ATG13: variants seen among roughly 807,000 people sequenced by gnomAD.
ATG13 encodes the protein autophagy-related protein 13.
Under a neutral mutation model 65.5 loss-of-function variants are expected in ATG13, and 23 were observed. The observed-to-expected ratio is 0.35, with a 90% CI of 0.25 to 0.50. The LOEUF is 0.50. Among genes scored for constraint, ATG13 ranks in the 20% least tolerant of loss-of-function variants. The probability of loss-of-function intolerance (pLI) is 0.98; values close to 1 mark genes in which losing one functional copy is unlikely to be tolerated. For synonymous variants in ATG13, 252 were observed against 245.2 expected, an observed-to-expected ratio of 1.03 and a Z score of -0.26; for missense variants, 566 against 677.0, an observed-to-expected ratio of 0.84 and a Z score of 1.82.
chr11:46,632,756 G>T (rs2052253430), intron 2 of ATG13, among the ~76,000 whole-genome samples: 2 of 151,926 alleles, frequency 1.3e-5, no homozygotes, highest in African/African-American at 4.8e-5. Context: ...TTTATAGTGT[G>T]GGGTGATACC....
At position 46,668,532 on chromosome 11, in the gene ATG13, A is replaced by T. The variant is rs757516956; in HGVS notation, c.1285A>T (p.Met429Leu). The T allele has an allele frequency of 1.4e-5, 23 of 1,614,036 alleles. No homozygotes were observed. Among genetic ancestry groups the T allele is most frequent in the East Asian group, 1.3e-4 (6 of 44,892 alleles). The part of the protein sequence containing the change: ...TLTSLDIPFA[M>L]FAPKNLELED... ...GACGAGTTTGGATATACCCTTTGCCATGTTTGCTCCCAAGAATTTGGAGCT... is the reference window on the plus strand; with the variant it reads ...GACGAGTTTGGATATACCCTTTGCCTTGTTTGCTCCCAAGAATTTGGAGCT... Residue 429 changes from methionine to leucine, a missense_variant, in exon 16 of 19, where the codon ATG becomes TTG. Coordinates refer to ENST00000683050, the MANE Select transcript of ATG13 (RefSeq NM_001346311.2).
chr11:46,632,422 A>G (rs2052116768), intron 2 of ATG13: 1 of 152,234 alleles, frequency 6.6e-6, no homozygotes, highest in African/African-American at 2.4e-5. Context: ...AACTTGCAGA[A>G]AAGTTGCAAA....
At chr11:46,633,300 C>T (rs948041195) in intron 2 of ATG13, among the ~76,000 whole-genome samples, 2 of 151,140 alleles carry the variant, frequency 1.3e-5, no homozygotes, top group African/African-American at 4.9e-5. Flanking sequence ...GGATTACAAG[C>T]GTGAGCCACT....
chr11:46,636,791 T>C (rs147884528), intron 2 of ATG13, among the ~76,000 whole-genome samples: 1 of 151,980 alleles, frequency 6.6e-6, no homozygotes, highest in African/African-American at 2.4e-5. Context: ...TTTTTTTTCT[T>C]TTGAGGTGGA....
chr11:46,629,263 C>T (rs528920429), intron 1 of ATG13, among the ~76,000 whole-genome samples: 2 of 152,134 alleles, frequency 1.3e-5, no homozygotes, highest in South Asian at 2.1e-4. Context: ...TGTTTTCTGT[C>T]ACAAGAGATT....
At chr11:46,628,424 G>A (rs143081855) in intron 1 of ATG13, among the ~76,000 whole-genome samples, 145 of 151,626 alleles carry the variant, frequency 9.6e-4, no homozygotes, top group African/African-American at 3.2e-3. Flanking sequence ...AAAACCCCGC[G>A]TTTTAAGCAT....
At chr11:46,665,269 G>A in intron 13 of ATG13, 114 bp from the exon 14 acceptor site, 2 of 1,307,490 alleles carry the variant, frequency 1.5e-6, no homozygotes, top group Middle Eastern at 3.9e-4. Context: ...TGCCTACTTG[G>A]TGGCAGCGTT....
intron 13 of ATG13, 145 bp from the exon 14 acceptor site, chr11:46,665,237 AG>A: frequency 9.8e-7 from 1 of 1,020,786 alleles, no homozygotes; most frequent in South Asian, 1.6e-5. Flanking sequence ...AGTTTCAGAG[AG>A]GATAAAGATC....
At position 46,645,922 on chromosome 11, in the gene ATG13, C is replaced by T. The variant is rs1438193821; in HGVS notation, c.203C>T (p.Ala68Val). 5 of 1,614,092 alleles carry T rather than the reference C, an allele frequency of 3.1e-6. No individual in the cohort carries two copies. Among genetic ancestry groups the T allele is most frequent in the Non-Finnish European group, 4.2e-6 (5 of 1,180,044 alleles). Residue 68 changes from alanine (A) to valine (V), a missense_variant, in exon 5 of 19, where the codon GCA becomes GTA. By Grantham distance (64) the Ala-to-Val change is moderately conservative (BLOSUM62 0). This residue lies in a region of ATG13 where 179 missense variants were observed against 267.2 expected (regional missense o/e 0.67). Coordinates refer to ENST00000683050, the MANE Select transcript of ATG13 (RefSeq NM_001346311.2). ...GAGGTTACACATGAAGCAAAGAAGG[C>T]ACTGGCAGGACAGCTGCCTGCAGTC... Reference protein sequence around the residue: ...IPEVTHEAKKALAGQLPAVGR... With the variant: ...IPEVTHEAKKVLAGQLPAVGR...
chr11:46,656,199 T>G, intron 7 of ATG13, 34 bp from the exon 8 acceptor site: 2 of 1,598,066 alleles, frequency 1.3e-6, no homozygotes, highest in South Asian at 2.2e-5. Flanking sequence ...GAGTAAAGAA[T>G]CAGGTAACAT....
At chr11:46,664,333 G>C (rs775123022) in intron 12 of ATG13, among the ~76,000 whole-genome samples, 12 of 152,044 alleles carry the variant, frequency 7.9e-5, no homozygotes, top group Non-Finnish European at 1.8e-4. Flanking sequence ...ATTTATATCA[G>C]ATTTTTAAAT....
Position 46,667,789 on chromosome 11 carries a change from G to T in ATG13, c.1153G>T (p.Val385Leu). 6.2e-7 allele frequency: 1 copy of T among 1,607,446 alleles called. No individual in the cohort carries two copies. Among genetic ancestry groups the T allele is most frequent in the African/African-American group, 1.3e-5 (1 of 74,918 alleles). ...CTCCTCCAGTGAGGATACTGAAACC[G>T]TATCAAACAGCAGTGAGGGACGGGC... ...TPSSSEDTET[V>L]SNSSEGRASP... Residue 385 changes from valine to leucine, a missense_variant, in exon 15 of 19, where the codon GTA (valine) becomes TTA (leucine). This residue lies in a region of ATG13 where 387 missense variants were observed against 409.8 expected (regional missense o/e 0.94). Coordinates refer to ENST00000683050, the MANE Select transcript of ATG13 (RefSeq NM_001346311.2).
chr11:46,659,648 G>A (rs930442334), intron 11 of ATG13, 163 bp downstream of exon 11: 1 of 559,594 alleles, frequency 1.8e-6, no homozygotes, highest in Non-Finnish European at 3.2e-6. Flanking sequence ...CCAGAAGATA[G>A]TATTTCTAGT....
At chr11:46,627,283 G>A (rs1214022280) in intron 1 of ATG13, among the ~76,000 whole-genome samples, 5 of 151,946 alleles carry the variant, frequency 3.3e-5, no homozygotes, top group Non-Finnish European at 1.5e-5. Flanking sequence ...GGAGGCTGAG[G>A]CAGAAGAATC....
intron 14 of ATG13, among the ~76,000 whole-genome samples, chr11:46,667,030 C>A (rs945616952): frequency 6.6e-6 from 1 of 152,152 alleles, no homozygotes; most frequent in Non-Finnish European, 1.5e-5. Flanking sequence ...ATTTTACACT[C>A]TAGTTTTCTG....
chr11:46,665,287 GAA>G lies in ATG13; in HGVS notation c.1000-93_1000-92del, dbSNP rs976949328. On this transcript the variant is annotated intron_variant, in intron 13 of 18. Transcript: ENST00000683050. ...CTACTTGGTGGCAGCGTTGGTGATG[GAA>G]AAGTCAAAAGCAGATACCATCATGC... The G allele has an allele frequency of 3.4e-6, 5 of 1,472,050 alleles. No individual in the cohort carries two copies. In the African/African-American group the frequency reaches 7.0e-5, roughly 21 times the overall value. The allele number at this position is 1,472,050 out of a possible 1,614,324, so 91.2% of individuals were successfully genotyped here.
chr11:46,667,959 T>A, intron 15 of ATG13, 72 bp downstream of exon 15: 1 of 1,164,548 alleles, frequency 8.6e-7, no homozygotes, highest in Non-Finnish European at 1.3e-6. Context: ...GCAGTTTTCT[T>A]AACCTGAGAT....
chr11:46,633,003 A>AAAT (rs1261200980), intron 2 of ATG13, among the ~76,000 whole-genome samples: 12 of 89,146 alleles, frequency 1.3e-4, no homozygotes, highest in African/African-American at 2.9e-4. Context: ...ATTAAAAAAA[A>AAAT]ATATATATAT....
chr11:46,658,535 ATTTT>A (rs912148307), intron 10 of ATG13, among the ~76,000 whole-genome samples: 2 of 141,736 alleles, frequency 1.4e-5, no homozygotes, highest in African/African-American at 5.2e-5. Context: ...GTTTCTACCA[ATTTT>A]TTTTTTTTTT....
Sources: gnomAD v4.1 joint callset for allele counts (sites outside exome capture counted in the v4.1 genomes callset) on GRCh38, gnomAD v4.1.1 for gene constraint, gnomAD v4.1.1 regional missense constraint, MANE v1.5 for transcripts, NCBI Gene and HGNC (gene_info 2026-07-23, HGNC 2026-07-21) for gene names.